HMCN1: variants seen among roughly 807,000 people sequenced by gnomAD.
HMCN1 encodes the protein hemicentin-1.
Under a neutral mutation model 625.9 loss-of-function variants are expected in HMCN1, and 321 were observed. That is an observed-to-expected ratio of 0.51 (90% CI 0.47 to 0.56). The LOEUF (loss-of-function observed/expected upper bound fraction) is 0.56. HMCN1 is among the 20% of genes least tolerant of loss of function. HMCN1 has a pLI of 0.00. For synonymous variants in HMCN1, 2,425 were observed against 2,417.6 expected (o/e 1.00, Z -0.09); for missense variants, 6,588 against 6,887.3 (o/e 0.96, Z 1.54).
At chr1:186,068,064 A>C in intron 50 of HMCN1, 57 bp downstream of exon 50, 1 of 1,423,318 alleles carries the variant, frequency 7.0e-7, no homozygotes, top group Admixed American at 1.7e-5. Context: ...TATTCTAGAA[A>C]AGCAGAATCA....
intron 13 of HMCN1, among the ~76,000 whole-genome samples, chr1:185,964,948 A>T (rs959035731): frequency 6.6e-6 from 1 of 151,100 alleles, no homozygotes; most frequent in Non-Finnish European, 1.5e-5. Flanking sequence ...GGGTAAGGTT[A>T]AAAAAAAAGC....
At chr1:186,000,999 A>T (rs1653159574) in intron 26 of HMCN1, among the ~76,000 whole-genome samples, 1 of 152,098 alleles carries the variant, frequency 6.6e-6, no homozygotes, top group Non-Finnish European at 1.5e-5. Context: ...GACTTAATTA[A>T]GACCCCATAA....
chr1:186,086,120 G>A, intron 57 of HMCN1, 126 bp from the exon 58 acceptor site: 1 of 847,082 alleles, frequency 1.2e-6, no homozygotes. Flanking sequence ...AAGACAGACA[G>A]CTAGATAATG....
Position 185,923,376 on chromosome 1 carries a change from T to C in HMCN1, c.1022-14T>C, listed in dbSNP as rs1667094638. ...TTGTTTCTTGTAAATGATAACAAAA[T>C]CTTTCTCTTGTAGGAATACCTACCT... On this transcript the variant is annotated splice_polypyrimidine_tract_variant and intron_variant, in intron 7 of 106. Coordinates refer to ENST00000271588, the MANE Select transcript of HMCN1 (RefSeq NM_031935.3). 6.3e-7 allele frequency: 1 copy of C among 1,595,810 alleles called. No individual in the cohort carries two copies. Among genetic ancestry groups the C allele is most frequent in the South Asian group, 1.1e-5 (1 of 90,670 alleles).
chr1:185,778,719 C>T (rs1656811481), intron 1 of HMCN1, among the ~76,000 whole-genome samples: 1 of 151,964 alleles, frequency 6.6e-6, no homozygotes, highest in African/African-American at 2.4e-5. Flanking sequence ...TGTATATGTG[C>T]CATATTTTCT....
intron 97 of HMCN1, among the ~76,000 whole-genome samples, chr1:186,157,489 CTTTT>C (rs775842138): frequency 1.3e-4 from 19 of 151,488 alleles, no homozygotes; most frequent in African/African-American, 4.1e-4. Flanking sequence ...CATTAAGCAA[CTTTT>C]TTTTTATTAT....
At position 186,136,796 on chromosome 1, in the gene HMCN1, T is replaced by A. The variant is rs778062119; in HGVS notation, c.13441T>A (p.Ser4481Thr). 6.4e-5 allele frequency: 104 copies of A among 1,613,902 alleles called. No individual in the cohort carries two copies. The highest frequency in any genetic ancestry group is 1.6e-4 in the Middle Eastern group (1 of 6,084). Residue 4481 changes from serine (S) to threonine (T), a missense_variant, in exon 87 of 107, where the codon TCC becomes ACC. Physicochemically the swap from Ser to Thr is moderately conservative, Grantham distance 58 (BLOSUM62 1). This residue lies in a region of HMCN1 where 1,954 missense variants were observed against 2,013.1 expected (regional missense o/e 0.97). Coordinates refer to ENST00000271588, the MANE Select transcript of HMCN1 (RefSeq NM_031935.3). The stretch of plus-strand genomic sequence containing the variant: ...ATGGTCCCGTCAAGGGCACTCTATT[T>A]CCTGGGATGACCGGGTTAACGTGTT... ...ITWSRQGHSISWDDRVNVLSN... is the reference protein window; with the variant it reads ...ITWSRQGHSITWDDRVNVLSN...
intron 1 of HMCN1, among the ~76,000 whole-genome samples, chr1:185,838,800 T>A (rs578139620): frequency 2.5e-4 from 38 of 152,336 alleles, no homozygotes; most frequent in African/African-American, 8.9e-4. Context: ...TAGCTGAGAT[T>A]CCTTTCTTTA....
At chr1:185,905,762 G>A (rs1666065736) in intron 4 of HMCN1, among the ~76,000 whole-genome samples, 1 of 151,754 alleles carries the variant, frequency 6.6e-6, no homozygotes, top group Non-Finnish European at 1.5e-5. Context: ...AAATCTTTAT[G>A]AGACTATACA....
intron 71 of HMCN1, among the ~76,000 whole-genome samples, chr1:186,108,872 C>T (rs1660748151): frequency 6.6e-6 from 1 of 152,142 alleles, no homozygotes; most frequent in African/African-American, 2.4e-5. Context: ...TCCTAGCGCC[C>T]ATGCATTAAA....
At chr1:185,963,690 A>T in intron 12 of HMCN1, 78 bp from the exon 13 acceptor site, 1 of 1,097,340 alleles carries the variant, frequency 9.1e-7, no homozygotes, top group Non-Finnish European at 1.4e-6. Context: ...AAAATATTTT[A>T]AAGGAAAGCA....
At chr1:186,135,991 G>A (rs1649578002) in intron 86 of HMCN1, among the ~76,000 whole-genome samples, 1 of 152,108 alleles carries the variant, frequency 6.6e-6, no homozygotes, top group Non-Finnish European at 1.5e-5. Context: ...CATGTTTATT[G>A]AATAAATGAT....
rs1352360439 is a variant in HMCN1 at position 185,986,135 on chromosome 1, CATT to C, written c.2936-1296_2936-1294del. Among the ~76,000 whole-genome samples the C allele has an allele frequency of 4.6e-5, 7 of 152,238 alleles. 1 individual carries two copies. Among genetic ancestry groups the C allele is most frequent in the African/African-American group, 1.4e-4 (6 of 41,566 alleles). On this transcript the variant is annotated intron_variant, in intron 19 of 106. Coordinates refer to ENST00000271588, the MANE Select transcript of HMCN1 (RefSeq NM_031935.3). ...TTTCTTGCTTTAGAGAGTAGCCTGG[CATT>C]GTTGTTTAGGGCTGGGGATTTGCTG...
At chr1:186,162,454 G>C (rs990666546) in intron 97 of HMCN1, among the ~76,000 whole-genome samples, 1 of 148,882 alleles carries the variant, frequency 6.7e-6, no homozygotes, top group Non-Finnish European at 1.5e-5. Context: ...TTCCATTGCT[G>C]GTGAGGAACT....
intron 11 of HMCN1, among the ~76,000 whole-genome samples, chr1:185,958,815 A>G (rs1268403935): frequency 6.6e-6 from 1 of 152,200 alleles, no homozygotes; most frequent in Non-Finnish European, 1.5e-5. Flanking sequence ...TATTTGTAAA[A>G]TGGCAGTAAC....
intron 1 of HMCN1, among the ~76,000 whole-genome samples, chr1:185,776,336 C>A (rs1041540072): frequency 6.6e-6 from 1 of 151,820 alleles, no homozygotes; most frequent in Non-Finnish European, 1.5e-5. Flanking sequence ...TCACTCCTTG[C>A]GTGGAATGTT....
chr1:185,751,919 G>A (rs986680911), intron 1 of HMCN1, among the ~76,000 whole-genome samples: 3 of 151,596 alleles, frequency 2.0e-5, no homozygotes, highest in Non-Finnish European at 4.4e-5. Context: ...ACTTCTTAGA[G>A]TGGTGCAAAT....
At chr1:185,937,794 T>C (rs550474801) in intron 11 of HMCN1, among the ~76,000 whole-genome samples, 11 of 151,766 alleles carry the variant, frequency 7.2e-5, no homozygotes, top group Admixed American at 7.2e-4. Context: ...GGCAGGAGAA[T>C]TGCTTGAACT....
At chr1:185,936,543 G>A (rs1444040005) in intron 11 of HMCN1, among the ~76,000 whole-genome samples, 1 of 152,126 alleles carries the variant, frequency 6.6e-6, no homozygotes, top group Non-Finnish European at 1.5e-5. Flanking sequence ...AAAAGAAAAT[G>A]TTACTCTTTG....
Sources: allele counts gnomAD v4.1 joint callset (sites outside exome capture counted in the v4.1 genomes callset), GRCh38; gene constraint gnomAD v4.1.1; regional missense constraint gnomAD v4.1.1; transcripts MANE v1.5; gene names NCBI Gene and HGNC (gene_info 2026-07-23, HGNC 2026-07-21).